ARMH3: variants seen among roughly 807,000 people sequenced by gnomAD.
ARMH3 encodes the protein armadillo like helical domain containing 3.
A neutral mutation model predicts 99.1 loss-of-function variants in ARMH3; 60 were observed. That is an observed-to-expected ratio of 0.61 (90% CI 0.49 to 0.75). The LOEUF (loss-of-function observed/expected upper bound fraction) is 0.75. Ranked by LOEUF, ARMH3 falls within the 30% of genes least tolerant of loss-of-function variation. The pLI is 0.00. For synonymous variants in ARMH3, 285 were observed against 292.8 expected (o/e 0.97, Z 0.27); for missense variants, 679 against 843.1 (o/e 0.81, Z 2.41).
At position 101,867,557 on chromosome 10, in the gene ARMH3, G is replaced by A. The variant is rs560734759; in HGVS notation, c.1861-17665C>T. On this transcript the variant is annotated intron_variant, in intron 24 of 25. Coordinates refer to ENST00000370033, the MANE Select transcript of ARMH3 (RefSeq NM_024541.3). ...TGTTACAGAAAAAGCCATGGGCGAG[G>A]TGCAGTGGCTCACACCTGTAATCCC... Among the ~76,000 whole-genome samples, 5 of 152,284 alleles carry A rather than the reference G, an allele frequency of 3.3e-5. No individual in the cohort carries two copies. In the South Asian group the frequency reaches 8.3e-4, roughly 25 times the overall value.
At chr10:101,889,531 G>C (rs1478592904) in intron 23 of ARMH3, 41 bp from the exon 24 acceptor site, 2 of 1,525,198 alleles carry the variant, frequency 1.3e-6, no homozygotes, top group Non-Finnish European at 1.8e-6. Flanking sequence ...CCAGATAGAA[G>C]AGGTGGATAC....
chr10:101,854,741 T>G (rs2066692081), intron 24 of ARMH3, among the ~76,000 whole-genome samples: 1 of 152,116 alleles, frequency 6.6e-6, no homozygotes, highest in African/African-American at 2.4e-5. Flanking sequence ...CAACCACTAA[T>G]TAGCAAAATA....
chr10:101,925,639 G>A (rs563465743), intron 23 of ARMH3, among the ~76,000 whole-genome samples: 168 of 152,332 alleles, frequency 1.1e-3, no homozygotes, highest in African/African-American at 3.8e-3. Flanking sequence ...GCTGGGGGCC[G>A]TGGCTCAGCC....
At chr10:101,927,432 A>G (rs1054794098) in intron 23 of ARMH3, among the ~76,000 whole-genome samples, 4 of 152,176 alleles carry the variant, frequency 2.6e-5, no homozygotes, top group Non-Finnish European at 5.9e-5. Flanking sequence ...CAAACTGCCA[A>G]TCATCCATTT....
In ARMH3 at chr10:101,980,497, C is replaced by G. The variant is rs1239072995; in HGVS notation, c.1407-5197G>C. Among the ~76,000 whole-genome samples, 3 of 152,034 alleles carry G rather than the reference C, an allele frequency of 2.0e-5. No homozygotes were observed. In the East Asian group the frequency reaches 5.8e-4, roughly 29 times the overall value. ...TATTTTTAGTAGAGATGGGGTTTTA[C>G]CATGTTGGCCAGGCTGGTCTCAAAC... On this transcript the variant is annotated intron_variant, in intron 19 of 25. Transcript: ENST00000370033.
intron 4 of ARMH3, among the ~76,000 whole-genome samples, chr10:102,030,290 C>G (rs1258249394): frequency 6.6e-6 from 1 of 152,122 alleles, no homozygotes; most frequent in East Asian, 1.9e-4. Flanking sequence ...TGCTGTCATC[C>G]TCATTTTTTA....
intron 23 of ARMH3, among the ~76,000 whole-genome samples, chr10:101,927,769 C>CAAAAAG (rs913049861): frequency 2.7e-4 from 41 of 152,138 alleles, no homozygotes; most frequent in East Asian, 1.7e-3. Flanking sequence ...CCTGTCACTA[C>CAAAAAG]AAAAAGAAAA....
chr10:102,017,499 A>G (rs988665727), intron 8 of ARMH3, among the ~76,000 whole-genome samples: 5 of 152,222 alleles, frequency 3.3e-5, no homozygotes, highest in African/African-American at 7.2e-5. Flanking sequence ...AAGCCAAGCC[A>G]TTGCCTCAGA....
intron 23 of ARMH3, among the ~76,000 whole-genome samples, chr10:101,899,749 C>T (rs981617011): frequency 1.3e-5 from 2 of 152,184 alleles, no homozygotes; most frequent in African/African-American, 4.8e-5. Context: ...TTCTAACTTA[C>T]CCCCTAAGGT....
At position 101,881,574 on chromosome 10, in the gene ARMH3, A is replaced by T. The variant is rs1432352833; in HGVS notation, c.1860+7838T>A. 2.0e-5 allele frequency among the ~76,000 whole-genome samples: 3 copies of T among 152,076 alleles called. No homozygotes were observed. The East Asian group carries it at 5.8e-4, about 29-fold the overall frequency. ...TGGGGTTTTTTTTAACTGCAATTTT[A>T]AAAAAAAGATTTACCCAATAGGCCT... On this transcript the variant is annotated intron_variant, in intron 24 of 25. Transcript: ENST00000370033.
chr10:102,050,246 T>C (rs2067664992), intron 1 of ARMH3, among the ~76,000 whole-genome samples: 2 of 151,490 alleles, frequency 1.3e-5, no homozygotes, highest in East Asian at 2.0e-4. Context: ...ATTGAGACCA[T>C]CCTGGCTAAC....
intron 19 of ARMH3, among the ~76,000 whole-genome samples, chr10:101,979,758 A>C (rs1056402967): frequency 3.3e-5 from 5 of 152,226 alleles, no homozygotes; most frequent in African/African-American, 1.2e-4. Context: ...TGGATTCTTG[A>C]TTAAGCCATT....
At chr10:101,963,143 AT>A (rs11455511) in intron 20 of ARMH3, among the ~76,000 whole-genome samples, 326 of 112,176 alleles carry the variant, frequency 2.9e-3, no homozygotes, top group Non-Finnish European at 3.0e-3. Context: ...ATAATTTTGC[AT>A]TTTTTTTTTT....
intron 20 of ARMH3, among the ~76,000 whole-genome samples, 163 bp downstream of exon 20, chr10:101,975,049 T>TAA (rs11399489): frequency 0.046 from 1,366 of 29,642 alleles, 40 homozygotes; most frequent in Middle Eastern, 0.15. Context: ...AGCTAAAACG[T>TAA]AAAAAAAAAA....
chr10:101,855,716 A>T (rs1417019464), intron 24 of ARMH3, among the ~76,000 whole-genome samples: 1 of 145,376 alleles, frequency 6.9e-6, no homozygotes, highest in South Asian at 2.1e-4. Context: ...TATATATTTT[A>T]TATATATTTA....
Position 102,025,210 on chromosome 10 carries a change from T to C in ARMH3, c.453A>G (p.Glu151=), listed in dbSNP as rs573215504. The C allele has an allele frequency of 2.2e-5, 35 of 1,613,990 alleles. No homozygotes were observed. In the South Asian group the frequency reaches 3.4e-4, roughly 16 times the overall value. The part of the protein sequence containing the change: ...MESLDSLLCA[E]GSESLKSLCL... ...ATAAACTCTTCAGACTTTCAGAACC[T>C]TCTGCACAAAGCAATGAATCCAAAC... Residue 151 remains glutamate (E), a synonymous_variant, in exon 6 of 26, where the codon GAA becomes GAG. Coordinates refer to ENST00000370033, the MANE Select transcript of ARMH3 (RefSeq NM_024541.3).
chr10:101,959,536 C>G (rs1462493171), intron 20 of ARMH3, among the ~76,000 whole-genome samples: 2 of 152,196 alleles, frequency 1.3e-5, no homozygotes, highest in Non-Finnish European at 2.9e-5. Flanking sequence ...AGAGATGCAG[C>G]CTCAGCAGTG....
At chr10:102,015,891 T>C (rs1443931357) in intron 8 of ARMH3, among the ~76,000 whole-genome samples, 2 of 152,246 alleles carry the variant, frequency 1.3e-5, no homozygotes, top group South Asian at 4.1e-4. Flanking sequence ...CCTAACGCTT[T>C]GGTAGGCCAA....
At chr10:102,009,543 C>A in intron 12 of ARMH3, 94 bp from the exon 13 acceptor site, 1 of 1,066,744 alleles carries the variant, frequency 9.4e-7, no homozygotes, top group Non-Finnish European at 1.4e-6. Flanking sequence ...CACCCCAGCG[C>A]CTCATTATCA....
Sources: allele counts gnomAD v4.1 joint callset (sites outside exome capture counted in the v4.1 genomes callset), GRCh38; gene constraint gnomAD v4.1.1; transcripts MANE v1.5; gene names NCBI Gene and HGNC (gene_info 2026-07-23, HGNC 2026-07-21).